The following PRKN variants were observed in gnomAD, a reference collection of about 807,000 sequenced individuals.
PRKN encodes E3 ubiquitin-protein ligase parkin.
In PRKN, 56 loss-of-function variants were observed where a neutral mutation model predicts 59.5. The ratio of observed to expected loss-of-function variants is 0.94; its 90% CI spans 0.76 to 1.18. The LOEUF (loss-of-function observed/expected upper bound fraction) is 1.18. PRKN is among the 50% of genes most tolerant of loss of function. The probability of loss-of-function intolerance (pLI) is 0.00; values close to 1 mark genes in which losing one functional copy is unlikely to be tolerated. For missense variants in PRKN, 657 were observed against 596.4 expected (o/e 1.10, Z -1.06); for synonymous variants, 250 against 222.1 (o/e 1.13, Z -1.12).
intron 5 of PRKN, among the ~76,000 whole-genome samples, chr6:161,993,839 A>G (rs1781740278): frequency 1.3e-5 from 2 of 152,182 alleles, no homozygotes; most frequent in Admixed American, 1.3e-4. Context: ...GGCAAAGGAG[A>G]AACAGCATGT....
Position 161,349,968 on chromosome 6 carries a change from GA to G in PRKN, c.*130del, listed in dbSNP as rs1245372144. The G allele has an allele frequency of 2.8e-6, 2 of 710,202 alleles. No individual in the cohort carries two copies. Among genetic ancestry groups the G allele is most frequent in the Non-Finnish European group, 5.1e-6 (2 of 395,434 alleles). 44.0% of individuals were successfully genotyped at this position (710,202 alleles called of 1,614,324 possible). ...TGCAATTTGGCTGTAGTTGGACTTT[GA>G]AAAAAACTTGAAGAGTGTGTGTGCG... On this transcript the variant is annotated 3_prime_UTR_variant, in exon 12 of 12. Coordinates refer to ENST00000366898, the MANE Select transcript of PRKN (RefSeq NM_004562.3). The surrounding 1 kb of genome is among the most constrained non-coding windows in gnomAD (Gnocchi z 5.5).
At chr6:162,381,617 A>G (rs1386280179) in intron 2 of PRKN, among the ~76,000 whole-genome samples, 1 of 152,154 alleles carries the variant, frequency 6.6e-6, no homozygotes, top group African/African-American at 2.4e-5. Context: ...ACACCACAAT[A>G]CTCTCAAAAG....
At chr6:161,874,751 TAATA>T (rs1464632401) in intron 6 of PRKN, among the ~76,000 whole-genome samples, 9 of 38,370 alleles carry the variant, frequency 2.3e-4, no homozygotes, top group African/African-American at 7.9e-4. Flanking sequence ...ATAAAATATA[TAATA>T]TATATAAAAT....
In PRKN at chr6:161,393,076, T is replaced by C. The variant is rs1786590311; in HGVS notation, c.1084-6199A>G. Among the ~76,000 whole-genome samples, 1 of 152,134 alleles carries C rather than the reference T, an allele frequency of 6.6e-6. No individual in the cohort carries two copies. The highest frequency in any genetic ancestry group is 2.1e-4 in the South Asian group (1 of 4,830). Reference sequence around the variant, plus strand: ...CTGAGGCCTCTTGGATCATTTATTATCTGTGTGATCCCAACATCTCTTTGC... The same window carrying C: ...CTGAGGCCTCTTGGATCATTTATTACCTGTGTGATCCCAACATCTCTTTGC... On this transcript the variant is annotated intron_variant, in intron 9 of 11. Coordinates refer to ENST00000366898, the MANE Select transcript of PRKN (RefSeq NM_004562.3). This position sits in a 1 kb window ranked among gnomAD's most constrained non-coding sequence, Gnocchi z 4.7.
intron 4 of PRKN, among the ~76,000 whole-genome samples, chr6:162,122,715 G>C (rs1434199531): frequency 7.6e-6 from 1 of 130,738 alleles, no homozygotes; most frequent in Non-Finnish European, 1.6e-5. Flanking sequence ...GGCTCAATCT[G>C]TTCTATCTAT....
At chr6:162,445,763 C>T (rs1220252047) in intron 1 of PRKN, among the ~76,000 whole-genome samples, 2 of 50,038 alleles carry the variant, frequency 4.0e-5, no homozygotes, top group African/African-American at 1.5e-4. Flanking sequence ...AAAAAGATAA[C>T]AATAAAAAGG....
chr6:161,912,276 A>G (rs979530175), intron 6 of PRKN, among the ~76,000 whole-genome samples: 1 of 152,102 alleles, frequency 6.6e-6, no homozygotes, highest in Admixed American at 6.5e-5. Context: ...ATAAAGTAGT[A>G]GGTGCAAACC....
At position 161,362,472 on chromosome 6, in the gene PRKN, G is replaced by A. The variant is rs763259840; in HGVS notation, c.1168-2267C>T. 3.7e-4 allele frequency among the ~76,000 whole-genome samples: 57 copies of A among 152,238 alleles called. No homozygotes were observed. The highest frequency in any genetic ancestry group is 6.8e-3 in the Middle Eastern group (2 of 294). ...CAGTTTTACTACACACAGAGGACCT[G>A]GACTCCTGAGGGTGACGTTCTCAGT... On this transcript the variant is annotated intron_variant, in intron 10 of 11. Coordinates refer to ENST00000366898, the MANE Select transcript of PRKN (RefSeq NM_004562.3). This position sits in a 1 kb window ranked among gnomAD's most constrained non-coding sequence, Gnocchi z 5.2.
chr6:161,600,826 A>T (rs940751140), intron 7 of PRKN, among the ~76,000 whole-genome samples: 2 of 152,076 alleles, frequency 1.3e-5, no homozygotes, highest in Non-Finnish European at 2.9e-5. Context: ...TTCTCAGAAG[A>T]CACTATTAAA....
intron 6 of PRKN, among the ~76,000 whole-genome samples, chr6:161,903,521 A>T (rs1382388615): frequency 6.6e-6 from 1 of 152,188 alleles, no homozygotes; most frequent in Non-Finnish European, 1.5e-5. Context: ...CTCTGATGGG[A>T]GGAAAATTGT....
chr6:161,956,085 T>C (rs1319468564), intron 6 of PRKN, among the ~76,000 whole-genome samples: 1 of 152,202 alleles, frequency 6.6e-6, no homozygotes, highest in Non-Finnish European at 1.5e-5. Flanking sequence ...TCTTGGCTAA[T>C]ATTTACTGTC....
intron 6 of PRKN, among the ~76,000 whole-genome samples, chr6:161,889,686 C>T (rs145363395): frequency 9.2e-5 from 14 of 152,206 alleles, no homozygotes; most frequent in African/African-American, 3.4e-4. Context: ...TTCAAGTGTA[C>T]ATCAAAAGGA....
intron 1 of PRKN, among the ~76,000 whole-genome samples, chr6:162,597,394 A>T (rs1781532613): frequency 6.6e-6 from 1 of 152,208 alleles, no homozygotes; most frequent in Non-Finnish European, 1.5e-5. Context: ...AAAAATGAAC[A>T]TTGAAAATGG....
intron 1 of PRKN, among the ~76,000 whole-genome samples, chr6:162,641,980 T>C (rs1259579122): frequency 6.6e-6 from 1 of 152,230 alleles, no homozygotes; most frequent in Non-Finnish European, 1.5e-5. Context: ...CATTATTCTC[T>C]TCATATGCTG....
chr6:161,479,178 GTGATTAC>G (rs1562476579), intron 9 of PRKN, among the ~76,000 whole-genome samples: 1 of 152,158 alleles, frequency 6.6e-6, no homozygotes, highest in African/African-American at 2.4e-5. Context: ...TGTGTGGTAG[GTGATTAC>G]TTCGCACAAT....
intron 5 of PRKN, among the ~76,000 whole-genome samples, chr6:162,002,173 G>T (rs1279401740): frequency 6.6e-6 from 1 of 151,984 alleles, no homozygotes; most frequent in Non-Finnish European, 1.5e-5. Flanking sequence ...TGGCTTCATA[G>T]AGGGAATTAG....
chr6:162,722,363 G>T (rs1180482883), intron 1 of PRKN, among the ~76,000 whole-genome samples: 1 of 152,196 alleles, frequency 6.6e-6, no homozygotes, highest in African/African-American at 2.4e-5. Flanking sequence ...TTTTAACCAA[G>T]ATTCTATGCT....
intron 2 of PRKN, among the ~76,000 whole-genome samples, chr6:162,366,005 A>T (rs551686314): frequency 6.6e-6 from 1 of 152,276 alleles, no homozygotes; most frequent in African/African-American, 2.4e-5. Flanking sequence ...TCGAAGTAAA[A>T]TTACTGCCCA....
At chr6:162,531,308 T>C (rs1055932751) in intron 1 of PRKN, among the ~76,000 whole-genome samples, 6 of 152,116 alleles carry the variant, frequency 3.9e-5, no homozygotes, top group Non-Finnish European at 8.8e-5. Flanking sequence ...CCTTGCTCGC[T>C]GCCTAGACAG....
Sources: allele counts gnomAD v4.1 joint callset (sites outside exome capture counted in the v4.1 genomes callset), GRCh38; gene constraint gnomAD v4.1.1; non-coding constraint Gnocchi (gnomAD v3.1); transcripts MANE v1.5; gene names NCBI Gene and HGNC (gene_info 2026-07-23, HGNC 2026-07-21).